ELF1: variants seen among roughly 807,000 people sequenced by gnomAD.
The protein encoded by ELF1 is ETS-related transcription factor Elf-1.
A neutral mutation model predicts 59.9 loss-of-function variants in ELF1; 24 were observed. The observed-to-expected ratio is 0.40, with a 90% CI of 0.29 to 0.56. The LOEUF is 0.56. ELF1 is among the 20% of genes least tolerant of loss of function. The pLI, the probability that ELF1 is intolerant of heterozygous loss-of-function variation, is 0.44. For missense variants in ELF1, 627 were observed against 742.2 expected (o/e 0.84, Z 1.80); for synonymous variants, 248 against 266.2 (o/e 0.93, Z 0.67).
intron 1 of ELF1, among the ~76,000 whole-genome samples, chr13:41,024,515 TA>T (rs1168375149): frequency 6.6e-6 from 1 of 152,160 alleles, no homozygotes; most frequent in East Asian, 1.9e-4. Flanking sequence ...TATTTCTGGC[TA>T]ATTTTGTATT....
intron 1 of ELF1, among the ~76,000 whole-genome samples, chr13:41,027,606 C>G (rs936312274): frequency 1.2e-4 from 19 of 152,356 alleles, no homozygotes; most frequent in African/African-American, 3.6e-4. Flanking sequence ...GAAGGGGCAG[C>G]AGTTTGTTCT....
chr13:41,057,004 G>A (rs1021895548), intron 1 of ELF1, among the ~76,000 whole-genome samples: 1 of 152,216 alleles, frequency 6.6e-6, no homozygotes, highest in African/African-American at 2.4e-5. Flanking sequence ...CCTGAGGTTA[G>A]ATGGGTAAAG....
At chr13:40,943,718 A>T (rs1349636795) in intron 6 of ELF1, 124 bp downstream of exon 6, 2 of 679,630 alleles carry the variant, frequency 2.9e-6, no homozygotes, top group African/African-American at 3.7e-5. Flanking sequence ...GTATCTAATA[A>T]GCATGTGGCA....
At chr13:40,935,859 G>A (rs1397388757) in intron 8 of ELF1, among the ~76,000 whole-genome samples, 1 of 151,804 alleles carries the variant, frequency 6.6e-6, no homozygotes, top group African/African-American at 2.4e-5. Context: ...ATTTTTAGTA[G>A]GAACAGGGTT....
chr13:41,052,634 T>C (rs1422658692), intron 1 of ELF1, among the ~76,000 whole-genome samples: 1 of 152,148 alleles, frequency 6.6e-6, no homozygotes, highest in African/African-American at 2.4e-5. Context: ...GAAGATCACC[T>C]GAACCCAGCA....
At chr13:40,947,184 C>T (rs917389272) in intron 5 of ELF1, among the ~76,000 whole-genome samples, 2 of 150,748 alleles carry the variant, frequency 1.3e-5, no homozygotes, top group Admixed American at 6.6e-5. Flanking sequence ...TTGCCCCAAA[C>T]TACAAACAAC....
Position 40,959,193 on chromosome 13 carries a change from G to A in ELF1, c.73-177C>T, listed in dbSNP as rs114079323. ...TTTGTATCTATTACAACCAAATAAT[G>A]GCATTAAAATTTAAAAATGAAGGCT... On this transcript the variant is annotated intron_variant, in intron 2 of 8. Transcript: ENST00000239882. 1.9e-3 allele frequency among the ~76,000 whole-genome samples: 282 copies of A among 152,078 alleles called. 2 individuals are homozygous for A. Among genetic ancestry groups the A allele is most frequent in the African/African-American group, 6.5e-3 (271 of 41,460 alleles).
intron 1 of ELF1, among the ~76,000 whole-genome samples, chr13:41,049,293 T>C (rs1876988707): frequency 6.6e-6 from 1 of 152,190 alleles, no homozygotes; most frequent in African/African-American, 2.4e-5. Context: ...AAGTACACTT[T>C]ACCATATGAA....
At chr13:41,024,706 C>T (rs1258630174) in intron 1 of ELF1, among the ~76,000 whole-genome samples, 1 of 152,104 alleles carries the variant, frequency 6.6e-6, no homozygotes, top group African/African-American at 2.4e-5. Flanking sequence ...GTAGCCCTAG[C>T]ATCTACTGTA....
upstream of ELF1, among the ~76,000 whole-genome samples, chr13:41,020,177 G>A (rs1379525041): frequency 2.0e-5 from 3 of 152,216 alleles, no homozygotes; most frequent in Non-Finnish European, 4.4e-5. Flanking sequence ...TGTGGCCAGT[G>A]AAGCTCTGCC....
At chr13:40,942,397 TA>T (rs1350625203) in intron 7 of ELF1, among the ~76,000 whole-genome samples, 1 of 152,222 alleles carries the variant, frequency 6.6e-6, no homozygotes, top group Non-Finnish European at 1.5e-5. Flanking sequence ...AAAAACGAAC[TA>T]AAAGTGAGCT....
chr13:41,060,920 C>CGCCGCCGCCGCT, exon 1 of ELF1: 1 of 45,138 alleles, frequency 2.2e-5, no homozygotes, highest in Non-Finnish European at 8.9e-5. Flanking sequence ...CTGCTGCCGC[C>CGCCGCCGCCGCT]GCCGCCGCCG....
At chr13:41,028,143 C>T (rs1191997458) in intron 1 of ELF1, among the ~76,000 whole-genome samples, 2 of 152,168 alleles carry the variant, frequency 1.3e-5, no homozygotes, top group Non-Finnish European at 2.9e-5. Flanking sequence ...GGAATACTTC[C>T]ACCAGGAAAC....
chr13:41,021,019 A>G (rs1218501824), upstream of ELF1, among the ~76,000 whole-genome samples: 1 of 152,224 alleles, frequency 6.6e-6, no homozygotes, highest in Non-Finnish European at 1.5e-5. Context: ...AAAAGTATTC[A>G]GATATGAAGC....
At chr13:40,935,736 T>C (rs9525432) in intron 8 of ELF1, among the ~76,000 whole-genome samples, 79,966 of 150,438 alleles carry the variant, frequency 0.53, 24,464 homozygotes, top group Non-Finnish European at 0.67. Context: ...TGCAGTGGTG[T>C]GATCTCAGCT....
chr13:41,040,818 G>A (rs1363642708), intron 1 of ELF1, among the ~76,000 whole-genome samples: 5 of 152,118 alleles, frequency 3.3e-5, no homozygotes, highest in Non-Finnish European at 7.3e-5. Context: ...AGAGTTAACA[G>A]TACTTACTCT....
intron 2 of ELF1, among the ~76,000 whole-genome samples, chr13:40,978,533 A>C (rs1214869828): frequency 6.6e-6 from 1 of 152,114 alleles, no homozygotes; most frequent in East Asian, 1.9e-4. Context: ...TTTTATTAAA[A>C]ACATTTAAAA....
chr13:40,973,312 A>T (rs1566176697), intron 2 of ELF1, among the ~76,000 whole-genome samples: 1 of 152,208 alleles, frequency 6.6e-6, no homozygotes, highest in African/African-American at 2.4e-5. Context: ...ATTATAATGT[A>T]GCATTTCTAA....
intron 7 of ELF1, among the ~76,000 whole-genome samples, chr13:40,942,252 A>G (rs1870218895): frequency 6.6e-6 from 1 of 152,304 alleles, no homozygotes; most frequent in South Asian, 2.1e-4. Context: ...CTGTAATTAA[A>G]GAGTTTTAGT....
Sources: gnomAD v4.1 joint callset for allele counts (sites outside exome capture counted in the v4.1 genomes callset) on GRCh38, gnomAD v4.1.1 for gene constraint, MANE v1.5 for transcripts, NCBI Gene and HGNC (gene_info 2026-07-23, HGNC 2026-07-21) for gene names.